The following SORL1 variants were observed in gnomAD, a reference collection of about 807,000 sequenced individuals.
The protein encoded by SORL1 is sortilin-related receptor.
A neutral mutation model predicts 273.7 loss-of-function variants in SORL1; 127 were observed. The observed-to-expected ratio is 0.46, with a 90% CI of 0.40 to 0.54. The LOEUF is 0.54. SORL1 is among the 20% of genes least tolerant of loss of function. The pLI, the probability that SORL1 is intolerant of heterozygous loss-of-function variation, is 0.00. For missense variants in SORL1, 2,494 were observed against 2,846.1 expected (o/e 0.88, Z 2.81); for synonymous variants, 1,031 against 1,067.4 (o/e 0.97, Z 0.66).
At chr11:121,521,270 A>G (rs146821916) in intron 9 of SORL1, among the ~76,000 whole-genome samples, 63 of 152,162 alleles carry the variant, frequency 4.1e-4, no homozygotes, top group African/African-American at 1.2e-3. Context: ...CTATTTGGCA[A>G]TGGGTCTTGG....
At chr11:121,470,815 C>G (rs1026910357) in intron 2 of SORL1, among the ~76,000 whole-genome samples, 2 of 152,170 alleles carry the variant, frequency 1.3e-5, no homozygotes, top group Non-Finnish European at 2.9e-5. Context: ...GTAGCAGGAA[C>G]TACAGGTGCA....
intron 14 of SORL1, among the ~76,000 whole-genome samples, chr11:121,548,129 C>A (rs889188139): frequency 6.6e-6 from 1 of 152,142 alleles, no homozygotes; most frequent in East Asian, 1.9e-4. Context: ...TAGATACATA[C>A]ACACATATAA....
intron 6 of SORL1, among the ~76,000 whole-genome samples, chr11:121,507,913 T>C (rs1164211509): frequency 2.6e-5 from 4 of 152,206 alleles, no homozygotes; most frequent in African/African-American, 9.7e-5. Flanking sequence ...TGACACCCCT[T>C]CCTCAGGGTT....
chr11:121,505,214 T>G (rs889249069), intron 6 of SORL1, among the ~76,000 whole-genome samples: 47 of 152,228 alleles, frequency 3.1e-4, no homozygotes, highest in African/African-American at 1.1e-3. Flanking sequence ...TGTTCATTTA[T>G]TCTAGGTTAT....
chr11:121,608,734 T>C (rs1249317985), intron 38 of SORL1: 1 of 153,154 alleles, frequency 6.5e-6, no homozygotes, highest in Non-Finnish European at 1.5e-5. Flanking sequence ...CAAGAAAGGA[T>C]AAGGAACTGG....
Position 121,625,131 on chromosome 11 carries a change from A to C in SORL1, c.6218A>C (p.Tyr2073Ser). 6.2e-7 allele frequency: 1 copy of C among 1,613,634 alleles called. No homozygotes were observed. Among genetic ancestry groups the C allele is most frequent in the Non-Finnish European group, 8.5e-7 (1 of 1,179,592 alleles). The change falls in exon 46 of 48, where the codon TAC becomes TCC. Residue 2073 changes from tyrosine to serine, a missense_variant. Physicochemically the swap from Tyr to Ser is moderately radical, Grantham distance 144. Coordinates refer to ENST00000260197, the MANE Select transcript of SORL1 (RefSeq NM_003105.6). ...MFDSAMNITA[Y>S]LGNTTDNFFK... Reference sequence around the variant, plus strand: ...GATAGTGCCATGAATATCACAGCTTACCTTGGGAATACTACTGACAATTTC... The same window carrying C: ...GATAGTGCCATGAATATCACAGCTTCCCTTGGGAATACTACTGACAATTTC...
At chr11:121,558,152 A>G (rs1028401593) in intron 19 of SORL1, among the ~76,000 whole-genome samples, 4 of 152,216 alleles carry the variant, frequency 2.6e-5, no homozygotes, top group Non-Finnish European at 5.9e-5. Context: ...TAAAACACAC[A>G]CATATACACA....
At position 121,605,129 on chromosome 11, in the gene SORL1, C is replaced by T; in HGVS notation, c.4668C>T (p.Tyr1556=). The T allele has an allele frequency of 1.2e-6, 2 of 1,611,988 alleles. No individual in the cohort carries two copies. The highest frequency in any genetic ancestry group is 1.7e-6 in the Non-Finnish European group (2 of 1,179,134). Reference sequence around the variant, plus strand: ...TCTCTCTAGATGAGTTGACTGTGTACAAAGTACAGAATCTTCAGTGGACAG... The same window carrying T: ...TCTCTCTAGATGAGTTGACTGTGTATAAAGTACAGAATCTTCAGTGGACAG... ...EKACSDELTV[Y]KVQNLQWTAD... is the part of the protein sequence containing the mutation. The change falls in exon 34 of 48, where the codon TAC becomes TAT. Residue 1556 remains tyrosine, a synonymous_variant. Transcript: ENST00000260197.
At chr11:121,515,370 T>C (rs1861935709) in intron 8 of SORL1, among the ~76,000 whole-genome samples, 1 of 152,156 alleles carries the variant, frequency 6.6e-6, no homozygotes, top group Admixed American at 6.5e-5. Flanking sequence ...TATTGGCTGC[T>C]TCAGGAGGGG....
At chr11:121,628,226 T>C (rs1051313496) in intron 47 of SORL1, among the ~76,000 whole-genome samples, 1 of 152,238 alleles carries the variant, frequency 6.6e-6, no homozygotes, top group African/African-American at 2.4e-5. Flanking sequence ...CATTCTTTTA[T>C]GTACCTTAAC....
chr11:121,570,133 C>T, intron 22 of SORL1, 24 bp from the exon 23 acceptor site: 5 of 1,517,538 alleles, frequency 3.3e-6, no homozygotes, highest in Non-Finnish European at 3.7e-6. Context: ...TTCATTTCCT[C>T]CCCTGCCGCA....
intron 35 of SORL1, 83 bp downstream of exon 35, chr11:121,605,654 T>C (rs1196731131): frequency 1.8e-6 from 2 of 1,124,482 alleles, no homozygotes; most frequent in African/African-American, 3.1e-5. Flanking sequence ...TTCTCAGGAA[T>C]GTGGGAACAT....
In SORL1 at chr11:121,532,479, C is replaced by G. The variant is rs1446800424; in HGVS notation, c.1612C>G (p.His538Asp). ...TCCTCTTCAGGCACTTCCTGGACCT[C>G]ACTACTACACATGGGGAGACCACGG... ...ARWREALPGPHYYTWGDHGGI... is the reference protein window; with the variant it reads ...ARWREALPGPDYYTWGDHGGI... The change falls in exon 12 of 48, where the codon CAC becomes GAC. Residue 538 changes from histidine to aspartate, a missense_variant. Around this residue, in one of 3 missense-constraint regions of SORL1, gnomAD observed 710 missense variants for 882.5 expected, o/e 0.80. Coordinates refer to ENST00000260197, the MANE Select transcript of SORL1 (RefSeq NM_003105.6). 1 of 1,614,030 alleles carries G rather than the reference C, an allele frequency of 6.2e-7. No homozygotes were observed. Among genetic ancestry groups the G allele is most frequent in the African/African-American group, 1.3e-5 (1 of 74,928 alleles).
In SORL1 at chr11:121,554,158, C is replaced by T. The variant is rs1444211532; in HGVS notation, c.2439+49C>T. ...GTGGGAGCTGTGCATCGTGACTGCC[C>T]TGTCCTGATAAGCTGCATGCAGAAT... On this transcript the variant is annotated intron_variant, in intron 17 of 47. Coordinates refer to ENST00000260197, the MANE Select transcript of SORL1 (RefSeq NM_003105.6). This position sits in a 1 kb window ranked among gnomAD's most constrained non-coding sequence, Gnocchi z 4.6. The T allele has an allele frequency of 6.4e-7, 1 of 1,552,882 alleles. No homozygotes were observed. Among genetic ancestry groups the T allele is most frequent in the Non-Finnish European group, 8.8e-7 (1 of 1,133,142 alleles).
intron 1 of SORL1, among the ~76,000 whole-genome samples, chr11:121,453,276 T>C (rs1403202433): frequency 6.6e-6 from 1 of 152,112 alleles, no homozygotes; most frequent in Non-Finnish European, 1.5e-5. Flanking sequence ...CACTTGGAGA[T>C]TTGAAAGGAC....
chr11:121,555,328 T>C lies in SORL1; in HGVS notation c.2571+10T>C. The C allele has an allele frequency of 6.2e-7, 1 of 1,613,280 alleles. No individual in the cohort carries two copies. On this transcript the variant is annotated intron_variant, in intron 18 of 47. Transcript: ENST00000260197. ...CTTCAAAAAGATTGAGGTATGTGTATTTTCGTGCTGTTCTTAATTAAGGGA... is the reference window on the plus strand; with the variant it reads ...CTTCAAAAAGATTGAGGTATGTGTACTTTCGTGCTGTTCTTAATTAAGGGA...
chr11:121,602,869 G>A (rs1591348346), intron 32 of SORL1, among the ~76,000 whole-genome samples: 1 of 152,344 alleles, frequency 6.6e-6, no homozygotes, highest in South Asian at 2.1e-4. Flanking sequence ...GAGATAGGCA[G>A]AGGCCGTTAA....
chr11:121,515,303 A>T (rs950192122), intron 8 of SORL1, among the ~76,000 whole-genome samples: 8 of 150,782 alleles, frequency 5.3e-5, no homozygotes, highest in African/African-American at 2.0e-4. Context: ...TAACATGTTG[A>T]AAAGAAGAAT....
At chr11:121,572,313 G>C (rs1259942344) in intron 23 of SORL1, among the ~76,000 whole-genome samples, 2 of 152,200 alleles carry the variant, frequency 1.3e-5, no homozygotes, top group Admixed American at 1.3e-4. Context: ...GAGCTCTGTT[G>C]CAGACTGCAC....
Sources: allele counts gnomAD v4.1 joint callset (sites outside exome capture counted in the v4.1 genomes callset), GRCh38; gene constraint gnomAD v4.1.1; regional missense constraint gnomAD v4.1.1; non-coding constraint Gnocchi (gnomAD v3.1); transcripts MANE v1.5; gene names NCBI Gene and HGNC (gene_info 2026-07-23, HGNC 2026-07-21).